Variants in KCNQ1OT1 observed in about 807,000 individuals in gnomAD.
KCNQ1OT1 encodes KCNQ1 opposite strand/antisense transcript 1.
chr11:2,657,420 T>C lies in KCNQ1OT1; in HGVS notation n.42575A>G, dbSNP rs1012256383. Reference sequence around the variant, plus strand: ...TACAATTTTCTCCAGAGTTCTTGCATATACTTAGTTAGATAATTAATATTC... The same window carrying C: ...TACAATTTTCTCCAGAGTTCTTGCACATACTTAGTTAGATAATTAATATTC... On this transcript the variant is annotated non_coding_transcript_exon_variant, in exon 1 of 1. Coordinates refer to ENST00000597346, the Ensembl canonical transcript of KCNQ1OT1. The surrounding 1 kb of genome is among the most constrained non-coding windows in gnomAD (Gnocchi z 4.8). The C allele has an allele frequency of 2.8e-5, 11 of 398,480 alleles. No individual in the cohort carries two copies. Among genetic ancestry groups the C allele is most frequent in the African/African-American group, 2.3e-4 (11 of 48,644 alleles). 24.7% of individuals were successfully genotyped at this position (398,480 alleles called of 1,614,324 possible). A position where few individuals can be genotyped will look rare whatever the true frequency, so the allele number is the denominator to read the frequency against.
exon 1 of KCNQ1OT1, chr11:2,625,705 G>A (rs1018009219): frequency 2.5e-6 from 1 of 397,302 alleles, no homozygotes; most frequent in Non-Finnish European, 4.4e-6. Context: ...GAGTAGCTGG[G>A]ACTACAGGCG....
At position 2,683,331 on chromosome 11, in the gene KCNQ1OT1, T is replaced by A. The variant is rs1013909070; in HGVS notation, n.16664A>T. The stretch of plus-strand genomic sequence containing the variant: ...CACATAGAGGCCAGGTTTCCCCCGC[T>A]CAACACTAGGCCACTGTGCCTGCCA... On this transcript the variant is annotated non_coding_transcript_exon_variant, in exon 1 of 1. Transcript: ENST00000597346. The surrounding 1 kb of genome is among the most constrained non-coding windows in gnomAD (Gnocchi z 4.7). 1.5e-5 allele frequency: 6 copies of A among 398,418 alleles called. No individual in the cohort carries two copies. Among genetic ancestry groups the A allele is most frequent in the Non-Finnish European group, 2.7e-5 (6 of 226,050 alleles). 24.7% of individuals were successfully genotyped at this position (398,418 alleles called of 1,614,324 possible). A position where few individuals can be genotyped will look rare whatever the true frequency, so the allele number is the denominator to read the frequency against.
At position 2,682,789 on chromosome 11, in the gene KCNQ1OT1, A is replaced by G. The variant is rs1325293660; in HGVS notation, n.17206T>C. ...AGAAATGCAGGGAAATCTGGGCACC[A>G]TGAAATGCAGTGACTTGCAGTGATC... On this transcript the variant is annotated non_coding_transcript_exon_variant, in exon 1 of 1. Coordinates refer to ENST00000597346, the Ensembl canonical transcript of KCNQ1OT1. The surrounding 1 kb of genome is among the most constrained non-coding windows in gnomAD (Gnocchi z 5.8). The G allele has an allele frequency of 5.0e-6, 2 of 398,684 alleles. No individual in the cohort carries two copies. The highest frequency in any genetic ancestry group is 8.8e-6 in the Non-Finnish European group (2 of 226,092). 24.7% of individuals were successfully genotyped at this position (398,684 alleles called of 1,614,324 possible). A position where few individuals can be genotyped will look rare whatever the true frequency, so the allele number is the denominator to read the frequency against.
exon 1 of KCNQ1OT1, chr11:2,696,510 T>G (rs1850679475): frequency 7.5e-6 from 3 of 398,576 alleles, no homozygotes; most frequent in African/African-American, 6.2e-5. Context: ...AGAAGTCCTC[T>G]GCTCTCCTTT....
At position 2,654,395 on chromosome 11, in the gene KCNQ1OT1, G is replaced by A. The variant is rs367591170; in HGVS notation, n.45600C>T. On this transcript the variant is annotated non_coding_transcript_exon_variant, in exon 1 of 1. Transcript: ENST00000597346. This position sits in a 1 kb window ranked among gnomAD's most constrained non-coding sequence, Gnocchi z 6.4. ...TGAAGTAGGCTGGCTCAGGGAACTCGCCTGTGCCAAACCCTGGGGAGACAT... is the reference window on the plus strand; with the variant it reads ...TGAAGTAGGCTGGCTCAGGGAACTCACCTGTGCCAAACCCTGGGGAGACAT... 29 of 398,452 alleles carry A rather than the reference G, an allele frequency of 7.3e-5. No individual in the cohort carries two copies. Among genetic ancestry groups the A allele is most frequent in the East Asian group, 5.7e-4 (16 of 28,070 alleles). The allele number at this position is 398,452 out of a possible 1,614,324, so 24.7% of individuals were successfully genotyped here.
At position 2,691,012 on chromosome 11, in the gene KCNQ1OT1, G is replaced by C. The variant is rs577095860; in HGVS notation, n.8983C>G. The C allele has an allele frequency of 5.0e-6, 2 of 398,540 alleles. No homozygotes were observed. Among genetic ancestry groups the C allele is most frequent in the South Asian group, 1.3e-4 (1 of 7,860 alleles). The allele number at this position is 398,540 out of a possible 1,614,324, so 24.7% of individuals were successfully genotyped here. ...CATCAATGAAGTGGGCAAAAGCTCTGGGTGAACTCTTGGCTCAGGTATCAG... is the reference window on the plus strand; with the variant it reads ...CATCAATGAAGTGGGCAAAAGCTCTCGGTGAACTCTTGGCTCAGGTATCAG... On this transcript the variant is annotated non_coding_transcript_exon_variant, in exon 1 of 1. Transcript: ENST00000597346. The surrounding 1 kb of genome is among the most constrained non-coding windows in gnomAD (Gnocchi z 6.4).
chr11:2,638,318 G>T (rs1474913101), exon 1 of KCNQ1OT1: 2 of 152,184 alleles, frequency 1.3e-5, no homozygotes, highest in African/African-American at 2.4e-5. Context: ...GGTACCAATT[G>T]TTCCTTTCCA....
chr11:2,648,937 ATTTATAAT>A (rs1849709430), exon 1 of KCNQ1OT1: 1 of 379,836 alleles, frequency 2.6e-6, no homozygotes, highest in Non-Finnish European at 4.5e-6. Flanking sequence ...GAATTGATCC[ATTTATAAT>A]TATATAATGA....
At position 2,652,027 on chromosome 11, in the gene KCNQ1OT1, C is replaced by G. The variant is rs776452941; in HGVS notation, n.47968G>C. 1.0e-5 allele frequency: 4 copies of G among 398,550 alleles called. No homozygotes were observed. The highest frequency in any genetic ancestry group is 1.8e-5 in the Non-Finnish European group (4 of 226,104). The allele number at this position is 398,550 out of a possible 1,614,324, so 24.7% of individuals were successfully genotyped here. A position where few individuals can be genotyped will look rare whatever the true frequency, so the allele number is the denominator to read the frequency against. On this transcript the variant is annotated non_coding_transcript_exon_variant, in exon 1 of 1. Coordinates refer to ENST00000597346, the Ensembl canonical transcript of KCNQ1OT1. This position sits in a 1 kb window ranked among gnomAD's most constrained non-coding sequence, Gnocchi z 5.9. The stretch of plus-strand genomic sequence containing the variant: ...ATAATTTTGATGTTGAGCCTCCCCC[C>G]AGTTCTGGGGTGGCTCTGACTGTGT...
chr11:2,632,194 A>AG (rs1849367944), exon 1 of KCNQ1OT1: 2 of 397,742 alleles, frequency 5.0e-6, no homozygotes, highest in Non-Finnish European at 8.9e-6. Flanking sequence ...AAAAAAAAAA[A>AG]AAAAAAAAAG....
In KCNQ1OT1 at chr11:2,653,066, A is replaced by C. The variant is rs1590008131; in HGVS notation, n.46929T>G. 9 of 398,704 alleles carry C rather than the reference A, an allele frequency of 2.3e-5. No individual in the cohort carries two copies. The East Asian group carries it at 3.2e-4, about 14-fold the overall frequency. 24.7% of individuals were successfully genotyped at this position (398,704 alleles called of 1,614,324 possible). A position where few individuals can be genotyped will look rare whatever the true frequency, so the allele number is the denominator to read the frequency against. On this transcript the variant is annotated non_coding_transcript_exon_variant, in exon 1 of 1. Coordinates refer to ENST00000597346, the Ensembl canonical transcript of KCNQ1OT1. This position sits in a 1 kb window ranked among gnomAD's most constrained non-coding sequence, Gnocchi z 5.3. The stretch of plus-strand genomic sequence containing the variant: ...TCCAACATGTTCCATAATTTGCATC[A>C]AACATCCTCATACAGCAGGGTGTGG...
Position 2,678,705 on chromosome 11 carries a change from A to G in KCNQ1OT1, n.21290T>C. 2.5e-6 allele frequency: 1 copy of G among 398,620 alleles called. No homozygotes were observed. The highest frequency in any genetic ancestry group is 3.6e-5 in the East Asian group (1 of 28,074). The allele number at this position is 398,620 out of a possible 1,614,324, so 24.7% of individuals were successfully genotyped here. A position where few individuals can be genotyped will look rare whatever the true frequency, so the allele number is the denominator to read the frequency against. The stretch of plus-strand genomic sequence containing the variant: ...CATGGCCTAAGATCTAAACACTCTT[A>G]AGATTTAAACACAGGATTAGCTCTT... On this transcript the variant is annotated non_coding_transcript_exon_variant, in exon 1 of 1. Transcript: ENST00000597346. The surrounding 1 kb of genome is among the most constrained non-coding windows in gnomAD (Gnocchi z 4.9).
chr11:2,654,588 A>AG lies in KCNQ1OT1; in HGVS notation n.45406dup, dbSNP rs919614593. The AG allele has an allele frequency of 2.8e-4, 112 of 398,698 alleles. No individual in the cohort carries two copies. The highest frequency in any genetic ancestry group is 1.9e-3 in the African/African-American group (93 of 48,702). The allele number at this position is 398,698 out of a possible 1,614,324, so 24.7% of individuals were successfully genotyped here. A position where few individuals can be genotyped will look rare whatever the true frequency, so the allele number is the denominator to read the frequency against. On this transcript the variant is annotated non_coding_transcript_exon_variant, in exon 1 of 1. Coordinates refer to ENST00000597346, the Ensembl canonical transcript of KCNQ1OT1. The surrounding 1 kb of genome is among the most constrained non-coding windows in gnomAD (Gnocchi z 6.4). ...TTTAATCAATCAGGAGGGGAAGGGC[A>AG]GGGGGTGAGTGGTTGGGTGAAGTTA...
Position 2,691,489 on chromosome 11 carries a change from A to G in KCNQ1OT1, n.8506T>C. Reference sequence around the variant, plus strand: ...CCTCTTTGTTTTTTCATCTCAGCCTATTCAAGGCCATTTTTCAGCTTGCTT... The same window carrying G: ...CCTCTTTGTTTTTTCATCTCAGCCTGTTCAAGGCCATTTTTCAGCTTGCTT... On this transcript the variant is annotated non_coding_transcript_exon_variant, in exon 1 of 1. Coordinates refer to ENST00000597346, the Ensembl canonical transcript of KCNQ1OT1. The surrounding 1 kb of genome is among the most constrained non-coding windows in gnomAD (Gnocchi z 6.4). The G allele has an allele frequency of 5.0e-6, 2 of 398,376 alleles. No homozygotes were observed. Among genetic ancestry groups the G allele is most frequent in the Non-Finnish European group, 8.8e-6 (2 of 226,034 alleles). 24.7% of individuals were successfully genotyped at this position (398,376 alleles called of 1,614,324 possible).
exon 1 of KCNQ1OT1, chr11:2,699,045 A>G (rs1295445951): frequency 2.5e-6 from 1 of 398,498 alleles, no homozygotes; most frequent in African/African-American, 2.1e-5. Context: ...CTCCGGTCCC[A>G]ATTCGGGCTT....
In KCNQ1OT1 at chr11:2,659,166, T is replaced by C; in HGVS notation, n.40829A>G. On this transcript the variant is annotated non_coding_transcript_exon_variant, in exon 1 of 1. Transcript: ENST00000597346. The surrounding 1 kb of genome is among the most constrained non-coding windows in gnomAD (Gnocchi z 4.3). ...TCTTTGAGATTCAGTTCTGTGGGTT[T>C]TGACAGATGTCTGGAGTCATGTGTC... is the stretch of plus-strand genomic sequence containing the variant. 2.5e-6 allele frequency: 1 copy of C among 398,626 alleles called. No individual in the cohort carries two copies. Among genetic ancestry groups the C allele is most frequent in the East Asian group, 3.6e-5 (1 of 28,080 alleles). The allele number at this position is 398,626 out of a possible 1,614,324, so 24.7% of individuals were successfully genotyped here.
Position 2,676,115 on chromosome 11 carries a change from C to CA in KCNQ1OT1, n.23879_23880insT. ...TGTGTGTGCATGTACTTAGTAGATACGGCTCCTTTTTATACAAATGGTAGC... is the reference window on the plus strand; with the variant it reads ...TGTGTGTGCATGTACTTAGTAGATACAGGCTCCTTTTTATACAAATGGTAGC... On this transcript the variant is annotated non_coding_transcript_exon_variant, in exon 1 of 1. Transcript: ENST00000597346. This position sits in a 1 kb window ranked among gnomAD's most constrained non-coding sequence, Gnocchi z 4.2. 2.5e-6 allele frequency: 1 copy of CA among 398,506 alleles called. No individual in the cohort carries two copies. The highest frequency in any genetic ancestry group is 4.4e-6 in the Non-Finnish European group (1 of 226,068). 24.7% of individuals were successfully genotyped at this position (398,506 alleles called of 1,614,324 possible). A position where few individuals can be genotyped will look rare whatever the true frequency, so the allele number is the denominator to read the frequency against.
chr11:2,689,420 G>C (rs895249416), exon 1 of KCNQ1OT1: 9 of 398,548 alleles, frequency 2.3e-5, no homozygotes, highest in African/African-American at 1.9e-4. Context: ...GGGAGCATAG[G>C]GGAGGAGGAA....
rs1304455581 is a variant in KCNQ1OT1 at position 2,679,875 on chromosome 11, T to A, written n.20120A>T. Reference sequence around the variant, plus strand: ...CATTTTTTTCATATAAACTTAGAACTAGCACGCCTAATTTTTTTTTTATTT... The same window carrying A: ...CATTTTTTTCATATAAACTTAGAACAAGCACGCCTAATTTTTTTTTTATTT... On this transcript the variant is annotated non_coding_transcript_exon_variant, in exon 1 of 1. Transcript: ENST00000597346. This position sits in a 1 kb window ranked among gnomAD's most constrained non-coding sequence, Gnocchi z 4.8. 4 of 398,350 alleles carry A rather than the reference T, an allele frequency of 1.0e-5. No individual in the cohort carries two copies. The highest frequency in any genetic ancestry group is 4.1e-5 in the African/African-American group (2 of 48,598). The allele number at this position is 398,350 out of a possible 1,614,324, so 24.7% of individuals were successfully genotyped here. A position where few individuals can be genotyped will look rare whatever the true frequency, so the allele number is the denominator to read the frequency against.
Sources: allele counts gnomAD v4.1 joint callset, GRCh38; gene constraint gnomAD v4.1.1; non-coding constraint Gnocchi (gnomAD v3.1); transcripts MANE v1.5; gene names NCBI Gene and HGNC (gene_info 2026-07-23, HGNC 2026-07-21).